Variants in GFRA2 observed in about 807,000 individuals in gnomAD.
The protein encoded by GFRA2 is GDNF family receptor alpha-2.
Under a neutral mutation model 48.3 loss-of-function variants are expected in GFRA2, and 17 were observed. The observed-to-expected ratio is 0.35, with a 90% CI of 0.24 to 0.53. GFRA2 has a LOEUF of 0.53. Ranked by LOEUF, GFRA2 falls within the 20% of genes least tolerant of loss-of-function variation. GFRA2 has a pLI of 0.93. For missense variants in GFRA2, 660 were observed against 637.3 expected (o/e 1.04, Z -0.38); for synonymous variants, 305 against 257.2 (o/e 1.19, Z -1.78).
At position 21,750,085 on chromosome 8, in the gene GFRA2, GTA is replaced by G. The variant is rs1805210539; in HGVS notation, c.794+501_794+502del. On this transcript the variant is annotated intron_variant, in intron 4 of 8. Transcript: ENST00000524240. This position sits in a 1 kb window ranked among gnomAD's most constrained non-coding sequence, Gnocchi z 5.7. ...TATGTGTATATATGTGTGTGTGTGT[GTA>G]TACACACACACACACACACACACGC... Among the ~76,000 whole-genome samples, 1 of 89,616 alleles carries G rather than the reference GTA, an allele frequency of 1.1e-5. No homozygotes were observed. Among genetic ancestry groups the G allele is most frequent in the African/African-American group, 5.2e-5 (1 of 19,222 alleles). The allele number at this position is 89,616 out of a possible 152,430, so 58.8% of individuals were successfully genotyped here. A position where few individuals can be genotyped will look rare whatever the true frequency, so the allele number is the denominator to read the frequency against.
chr8:21,705,219 C>T (rs1328595120), intron 5 of GFRA2, 94 bp from the exon 6 acceptor site: 7 of 1,297,156 alleles, frequency 5.4e-6, no homozygotes, highest in South Asian at 1.5e-5. Flanking sequence ...AGGGCAGAGG[C>T]GTGGTACCCA....
At chr8:21,747,916 T>G (rs1167095366) in intron 4 of GFRA2, among the ~76,000 whole-genome samples, 1 of 152,036 alleles carries the variant, frequency 6.6e-6, no homozygotes, top group African/African-American at 2.4e-5. Context: ...CTCCTCCCTC[T>G]GAAACCCCCT....
chr8:21,708,595 G>A (rs1802864715), intron 4 of GFRA2, among the ~76,000 whole-genome samples: 1 of 152,188 alleles, frequency 6.6e-6, no homozygotes, highest in African/African-American at 2.4e-5. Context: ...ATGTAATCAA[G>A]TTAAGATGAG....
intron 8 of GFRA2, among the ~76,000 whole-genome samples, chr8:21,693,980 CAT>C (rs377685512): frequency 3.4e-5 from 5 of 145,268 alleles, no homozygotes; most frequent in Admixed American, 7.0e-5. Context: ...GTCTATAAGT[CAT>C]ATATATATAT....
chr8:21,725,384 C>G (rs1269051502), intron 4 of GFRA2, among the ~76,000 whole-genome samples: 1 of 152,228 alleles, frequency 6.6e-6, no homozygotes, highest in African/African-American at 2.4e-5. Context: ...AAGCCCTTTA[C>G]AGAAGCCCAG....
At chr8:21,790,767 T>G (rs1807555727), upstream of GFRA2, among the ~76,000 whole-genome samples, 1 of 152,224 alleles carries the variant, frequency 6.6e-6, no homozygotes, top group African/African-American at 2.4e-5. Flanking sequence ...CTGTCATTCC[T>G]CCAAGCCTCT....
At chr8:21,699,414 G>A (rs571035968) in intron 7 of GFRA2, among the ~76,000 whole-genome samples, 4 of 152,330 alleles carry the variant, frequency 2.6e-5, no homozygotes, top group Non-Finnish European at 2.9e-5. Context: ...GTGGGCAGGT[G>A]GAGATGGGGA....
intron 1 of GFRA2, among the ~76,000 whole-genome samples, chr8:21,787,397 C>T (rs1807336201): frequency 6.6e-6 from 1 of 152,196 alleles, no homozygotes; most frequent in Non-Finnish European, 1.5e-5. Context: ...CCACCAGCCA[C>T]GGGGGTCCGC....
intron 4 of GFRA2, among the ~76,000 whole-genome samples, chr8:21,734,369 G>A (rs1377975022): frequency 6.6e-6 from 1 of 152,246 alleles, no homozygotes; most frequent in Non-Finnish European, 1.5e-5. Flanking sequence ...CCTTCTGGGG[G>A]TCTACCCAAC....
intron 7 of GFRA2, among the ~76,000 whole-genome samples, chr8:21,695,965 C>T (rs543075145): frequency 2.5e-4 from 38 of 152,180 alleles, no homozygotes; most frequent in African/African-American, 8.9e-4. Context: ...GCAGGCCAGT[C>T]CCCGCCCTTT....
chr8:21,745,519 C>T (rs1404889681), intron 4 of GFRA2, among the ~76,000 whole-genome samples: 2 of 152,208 alleles, frequency 1.3e-5, no homozygotes, highest in African/African-American at 4.8e-5. Context: ...TCTGCAATTC[C>T]TGCTGCAAAC....
intron 8 of GFRA2, among the ~76,000 whole-genome samples, 163 bp from the exon 9 acceptor site, chr8:21,693,563 G>A (rs1801979586): frequency 1.3e-5 from 2 of 152,094 alleles, no homozygotes; most frequent in South Asian, 4.1e-4. Flanking sequence ...TCTGAAGGGA[G>A]CGCTGACTCT....
intron 3 of GFRA2, among the ~76,000 whole-genome samples, chr8:21,757,333 A>G (rs1345345489): frequency 3.3e-5 from 5 of 152,020 alleles, no homozygotes; most frequent in African/African-American, 9.7e-5. Context: ...GGAAGCCCCC[A>G]CCCCCAGCAG....
chr8:21,788,059 T>TCCCCCCCCC, intron 1 of GFRA2, 61 bp downstream of exon 1: 3 of 203,810 alleles, frequency 1.5e-5, no homozygotes, highest in South Asian at 6.7e-5. Context: ...GGCGCTCCGC[T>TCCCCCCCCC]CGCCCCCCGC....
At chr8:21,755,101 G>T (rs1269535852) in intron 3 of GFRA2, among the ~76,000 whole-genome samples, 1 of 152,112 alleles carries the variant, frequency 6.6e-6, no homozygotes, top group Non-Finnish European at 1.5e-5. Flanking sequence ...AGCATTTTTA[G>T]GGCAATGAAA....
intron 3 of GFRA2, among the ~76,000 whole-genome samples, chr8:21,769,743 G>A (rs1245516397): frequency 2.0e-5 from 3 of 152,154 alleles, no homozygotes; most frequent in African/African-American, 7.2e-5. Context: ...CCCTCAATAC[G>A]TGGCAGTGAG....
At chr8:21,761,159 G>T (rs1805891190) in intron 3 of GFRA2, among the ~76,000 whole-genome samples, 1 of 152,064 alleles carries the variant, frequency 6.6e-6, no homozygotes, top group Non-Finnish European at 1.5e-5. Flanking sequence ...CACACCTCAT[G>T]CTGGATGTGC....
chr8:21,738,312 C>T lies in GFRA2; in HGVS notation c.794+12276G>A, dbSNP rs536230952. Among the ~76,000 whole-genome samples, 49 of 150,852 alleles carry T rather than the reference C, an allele frequency of 3.2e-4. No homozygotes were observed. The South Asian group carries it at 0.01, about 32-fold the overall frequency. On this transcript the variant is annotated intron_variant, in intron 4 of 8. Coordinates refer to ENST00000524240, the MANE Select transcript of GFRA2 (RefSeq NM_001495.5). The stretch of plus-strand genomic sequence containing the variant: ...ACCTTAGCACCATCCCAAGCTCCCC[C>T]GTTCACTGTCTGCATCCAGTGAGGC...
intron 4 of GFRA2, among the ~76,000 whole-genome samples, chr8:21,732,949 G>A (rs1489712308): frequency 6.6e-6 from 1 of 152,146 alleles, no homozygotes; most frequent in Non-Finnish European, 1.5e-5. Flanking sequence ...GGAGGCCAGG[G>A]GTGCCAAGAA....
Sources: allele counts gnomAD v4.1 joint callset (sites outside exome capture counted in the v4.1 genomes callset), GRCh38; gene constraint gnomAD v4.1.1; non-coding constraint Gnocchi (gnomAD v3.1); transcripts MANE v1.5; gene names NCBI Gene and HGNC (gene_info 2026-07-23, HGNC 2026-07-21).